The following SCML2 variants were observed in gnomAD, a reference collection of about 807,000 sequenced individuals.
SCML2 encodes sex comb on midleg-like protein 2.
In SCML2, 6 loss-of-function variants were observed where a neutral mutation model predicts 48.4. That is an observed-to-expected ratio of 0.12 (90% CI 0.07 to 0.24). The LOEUF is 0.24. Ranked by LOEUF, SCML2 falls within the 10% of genes least tolerant of loss-of-function variation. The pLI, the probability that SCML2 is intolerant of heterozygous loss-of-function variation, is 1.00. For synonymous variants in SCML2, 181 were observed against 189.5 expected (o/e 0.95, Z 0.37); for missense variants, 377 against 528.2 (o/e 0.71, Z 2.81).
chrX:18,279,812 A>C (rs763788169), intron 7 of SCML2, among the ~76,000 whole-genome samples: 1 of 112,223 alleles, frequency 8.9e-6, no homozygotes, highest in Admixed American at 9.5e-5. Context: ...GTCAGGCAAA[A>C]AGAAAGAAAA....
intron 6 of SCML2, among the ~76,000 whole-genome samples, chrX:18,317,694 C>T (rs892538014): frequency 9.2e-6 from 1 of 109,268 alleles, no homozygotes; most frequent in Non-Finnish European, 1.9e-5. Context: ...ATTAGCCGGG[C>T]GTGGTAGCAG....
intron 6 of SCML2, among the ~76,000 whole-genome samples, chrX:18,311,511 T>G (rs769118133): frequency 5.4e-5 from 6 of 111,674 alleles, no homozygotes; most frequent in African/African-American, 1.9e-4. Flanking sequence ...GAAGGTGACA[T>G]GTGAGCAGAA....
At chrX:18,256,384 G>A (rs1191683095) in intron 11 of SCML2, among the ~76,000 whole-genome samples, 1 of 111,382 alleles carries the variant, frequency 9.0e-6, no homozygotes, top group African/African-American at 3.3e-5. Context: ...TCTGGGAGGC[G>A]GAGGTTGCAG....
At chrX:18,293,020 G>GAGAAA (rs972387322) in intron 7 of SCML2, among the ~76,000 whole-genome samples, 1 of 111,445 alleles carries the variant, frequency 9.0e-6, no homozygotes, top group Non-Finnish European at 1.9e-5. Flanking sequence ...ATATGTGTAA[G>GAGAAA]AGAAAAGAAA....
intron 11 of SCML2, among the ~76,000 whole-genome samples, chrX:18,250,294 C>A (rs1397937274): frequency 1.8e-5 from 2 of 111,907 alleles, no homozygotes; most frequent in South Asian, 3.7e-4. Flanking sequence ...CTCACTGCAA[C>A]CTCTGCCTCC....
chrX:18,299,349 TAAAAATAAAA>T (rs1928502124), intron 7 of SCML2, among the ~76,000 whole-genome samples: 1 of 107,593 alleles, frequency 9.3e-6, no homozygotes, highest in Admixed American at 1.0e-4. Context: ...CCATCTCTAC[TAAAAATAAAA>T]AAAAAAAAAT....
rs776787331 is a variant in SCML2 at position 18,276,170 on chromosome X, C to T, written c.731-10368G>A. ...ATCCGCCAGGCGTGGTGGTGCACAC[C>T]TGTAGTTCCGCTACTCGGGAGCATG... On this transcript the variant is annotated intron_variant, in intron 7 of 14. Transcript: ENST00000251900. 3.6e-5 allele frequency among the ~76,000 whole-genome samples: 4 copies of T among 111,170 alleles called. No individual in the cohort carries two copies. In the South Asian group the frequency reaches 1.5e-3, roughly 43 times the overall value.
At chrX:18,337,529 A>C (rs1602146644) in intron 1 of SCML2, among the ~76,000 whole-genome samples, 1 of 110,627 alleles carries the variant, frequency 9.0e-6, no homozygotes, top group East Asian at 2.8e-4. Context: ...AAAGCCGGGC[A>C]TTACATAATG....
chrX:18,315,563 T>G (rs1929093997), intron 6 of SCML2, among the ~76,000 whole-genome samples: 1 of 111,380 alleles, frequency 9.0e-6, no homozygotes, highest in African/African-American at 3.3e-5. Flanking sequence ...GAGTCACTTA[T>G]GCCAAACCCT....
chrX:18,287,185 AG>A (rs1928084237), intron 7 of SCML2, among the ~76,000 whole-genome samples: 1 of 112,287 alleles, frequency 8.9e-6, no homozygotes. Context: ...CGACACAAAA[AG>A]AAAGAAATCA....
chrX:18,291,351 C>G (rs963607636), intron 7 of SCML2, among the ~76,000 whole-genome samples: 1 of 111,993 alleles, frequency 8.9e-6, no homozygotes, highest in African/African-American at 3.2e-5. Context: ...GCTGAATTTT[C>G]TATCCAAGTA....
chrX:18,350,595 AT>A (rs1429228540), intron 1 of SCML2, among the ~76,000 whole-genome samples: 3 of 101,778 alleles, frequency 2.9e-5, no homozygotes, highest in Non-Finnish European at 2.0e-5. Context: ...AAAAAAAAAA[AT>A]TAGCTGGGTG....
chrX:18,265,472 A>T, intron 8 of SCML2, 113 bp downstream of exon 8: 1 of 572,732 alleles, frequency 1.7e-6, no homozygotes, highest in African/African-American at 2.3e-5. Flanking sequence ...ACATACTCTT[A>T]GTACATTTCT....
At chrX:18,341,278 A>T in intron 1 of SCML2, 2 of 592,534 alleles carry the variant, frequency 3.4e-6, no homozygotes, top group Non-Finnish European at 5.1e-6. Context: ...TGAAGAAAAC[A>T]GAGATGCAGG....
intron 11 of SCML2, among the ~76,000 whole-genome samples, chrX:18,255,616 T>C (rs1051844385): frequency 8.9e-6 from 1 of 112,029 alleles, no homozygotes; most frequent in South Asian, 3.8e-4. Flanking sequence ...TAGTACAGTC[T>C]GAAGCAGGGT....
intron 13 of SCML2, 28 bp downstream of exon 13, chrX:18,246,549 C>T: frequency 1.7e-6 from 2 of 1,173,927 alleles, no homozygotes; most frequent in South Asian, 2.0e-5. Context: ...AAGACAAACA[C>T]ATTGAGAGTC....
chrX:18,341,447 A>G, intron 1 of SCML2: 1 of 179,086 alleles, frequency 5.6e-6, no homozygotes, highest in Non-Finnish European at 1.1e-5. Context: ...CTGTGACGTG[A>G]ACCTGGGCAC....
At chrX:18,304,839 A>G (rs746199366) in intron 7 of SCML2, 133 bp downstream of exon 7, 29 of 670,264 alleles carry the variant, frequency 4.3e-5, no homozygotes, top group Non-Finnish European at 5.9e-5. Flanking sequence ...TAGCCTGGAC[A>G]GCGCTTTGTT....
intron 7 of SCML2, among the ~76,000 whole-genome samples, chrX:18,303,981 T>C (rs1928674712): frequency 8.9e-6 from 1 of 112,607 alleles, no homozygotes; most frequent in Admixed American, 9.4e-5. Flanking sequence ...AAAATAAATA[T>C]ACTTAGTAGC....
Sources: allele counts gnomAD v4.1 joint callset (sites outside exome capture counted in the v4.1 genomes callset), GRCh38; gene constraint gnomAD v4.1.1; transcripts MANE v1.5; gene names NCBI Gene and HGNC (gene_info 2026-07-23, HGNC 2026-07-21).